Variants in SLC24A3 observed in about 807,000 individuals in gnomAD.
SLC24A3 encodes the protein solute carrier family 24 member 3.
SLC24A3 carries 28 observed loss-of-function variants against 75.8 expected under a neutral mutation model. That is an observed-to-expected ratio of 0.37 (90% confidence interval 0.27 to 0.51). SLC24A3 has a LOEUF of 0.51. Among genes scored for constraint, SLC24A3 ranks in the 20% least tolerant of loss-of-function variants. SLC24A3 has a pLI of 0.94. For missense variants in SLC24A3, 663 were observed against 847.8 expected (o/e 0.78, Z 2.71); for synonymous variants, 372 against 334.1 (o/e 1.11, Z -1.24).
intron 2 of SLC24A3, among the ~76,000 whole-genome samples, chr20:19,424,767 A>AC (rs1475270512): frequency 6.7e-5 from 10 of 148,570 alleles, no homozygotes; most frequent in South Asian, 2.1e-4. Flanking sequence ...AAAAAAAAAA[A>AC]AAAACTTGAG....
chr20:19,349,018 G>A (rs1002559512), intron 2 of SLC24A3, among the ~76,000 whole-genome samples: 1 of 152,108 alleles, frequency 6.6e-6, no homozygotes, highest in African/African-American at 2.4e-5. Context: ...CTTCTTCCTG[G>A]AGTGCTTGTT....
At chr20:19,621,002 G>A (rs911632599) in intron 6 of SLC24A3, among the ~76,000 whole-genome samples, 2 of 152,180 alleles carry the variant, frequency 1.3e-5, no homozygotes, top group African/African-American at 4.8e-5. Flanking sequence ...ATTCTTTTTG[G>A]AATGAGTTTG....
chr20:19,628,866 A>T (rs2031899749), intron 6 of SLC24A3, among the ~76,000 whole-genome samples: 1 of 152,162 alleles, frequency 6.6e-6, no homozygotes, highest in African/African-American at 2.4e-5. Context: ...GGCTAATTGG[A>T]GAAGATGTTC....
intron 6 of SLC24A3, among the ~76,000 whole-genome samples, chr20:19,616,730 G>T (rs1436088669): frequency 1.3e-5 from 2 of 152,092 alleles, no homozygotes; most frequent in African/African-American, 2.4e-5. Flanking sequence ...CAGCAATGAT[G>T]AGCCACTCCC....
rs758639901 is a variant in SLC24A3, at chr20:19,685,356, C to G, written c.1319C>G (p.Thr440Ser). ...GAAGGACCGTACACACCATTCGACA[C>G]CCCCTGTAAGAGGTTCTATGTCTGG... ...DDEGPYTPFD[T>S]PSGKLETVKW... is the part of the protein sequence containing the mutation. Residue 440 changes from threonine (T) to serine (S), a missense_variant, in exon 12 of 17, where the codon ACC becomes AGC. Transcript: ENST00000328041. 6.2e-7 allele frequency: 1 copy of G among 1,613,566 alleles called. No individual in the cohort carries two copies. Among genetic ancestry groups the G allele is most frequent in the Non-Finnish European group, 8.5e-7 (1 of 1,179,704 alleles).
intron 2 of SLC24A3, among the ~76,000 whole-genome samples, chr20:19,362,903 T>C (rs1242982374): frequency 1.3e-5 from 2 of 152,210 alleles, no homozygotes; most frequent in Non-Finnish European, 2.9e-5. Context: ...TTAATATCCA[T>C]GATTGAACAA....
intron 6 of SLC24A3, among the ~76,000 whole-genome samples, chr20:19,612,929 C>A (rs1017433991): frequency 1.3e-5 from 2 of 152,186 alleles, no homozygotes; most frequent in African/African-American, 4.8e-5. Context: ...ACAGTCCAAC[C>A]CTTCCTCAGG....
chr20:19,568,529 A>G (rs1386937394), intron 3 of SLC24A3, among the ~76,000 whole-genome samples: 1 of 152,186 alleles, frequency 6.6e-6, no homozygotes, highest in Non-Finnish European at 1.5e-5. Context: ...ATATCATATG[A>G]TTTTACTTGT....
At chr20:19,563,762 A>C (rs1259212444) in intron 3 of SLC24A3, among the ~76,000 whole-genome samples, 6 of 152,200 alleles carry the variant, frequency 3.9e-5, no homozygotes, top group South Asian at 4.1e-4. Context: ...AGTGACAGAA[A>C]GGCAAGAATG....
chr20:19,271,421 C>T (rs1038799213), intron 1 of SLC24A3, among the ~76,000 whole-genome samples: 2 of 152,008 alleles, frequency 1.3e-5, no homozygotes, highest in African/African-American at 2.4e-5. Context: ...CTGTGGAAAA[C>T]AGTGTGGAGA....
intron 2 of SLC24A3, among the ~76,000 whole-genome samples, chr20:19,400,427 A>T (rs1010130661): frequency 6.6e-6 from 1 of 152,110 alleles, no homozygotes; most frequent in Non-Finnish European, 1.5e-5. Context: ...CTGCCCCAGG[A>T]ATCTTTCCAT....
chr20:19,616,856 C>T (rs2031743461), intron 6 of SLC24A3, among the ~76,000 whole-genome samples: 2 of 152,144 alleles, frequency 1.3e-5, no homozygotes, highest in African/African-American at 2.4e-5. Flanking sequence ...CCCTTTAGGG[C>T]CTTTTTGATA....
chr20:19,291,773 C>T (rs1440928656), intron 2 of SLC24A3, among the ~76,000 whole-genome samples: 1 of 152,162 alleles, frequency 6.6e-6, no homozygotes. Context: ...TGCAGGAGAC[C>T]TCAGGGCCCA....
chr20:19,414,994 C>A (rs1369254724), intron 2 of SLC24A3, among the ~76,000 whole-genome samples: 3 of 152,090 alleles, frequency 2.0e-5, no homozygotes, highest in Non-Finnish European at 4.4e-5. Context: ...ATTTTTACAG[C>A]CTTATAGTAT....
chr20:19,612,538 C>A (rs904918271), intron 6 of SLC24A3, among the ~76,000 whole-genome samples: 1 of 151,732 alleles, frequency 6.6e-6, no homozygotes, highest in Middle Eastern at 3.4e-3. Context: ...CAAATATGCA[C>A]AGTTATTTAA....
intron 2 of SLC24A3, among the ~76,000 whole-genome samples, chr20:19,302,642 C>T (rs1202310049): frequency 6.6e-6 from 1 of 152,098 alleles, no homozygotes; most frequent in Non-Finnish European, 1.5e-5. Context: ...ATATTTTTGC[C>T]TCATATATAA....
rs539787410 is a variant in SLC24A3 at position 19,538,353 on chromosome 20, A to G, written c.348+22789A>G. The stretch of plus-strand genomic sequence containing the variant: ...TGGTCAGCAAGAGACTTAACTATAG[A>G]TAGAGATAGAGACATCCAATAAAGG... On this transcript the variant is annotated intron_variant, in intron 3 of 16. Transcript: ENST00000328041. Among the ~76,000 whole-genome samples, 27 of 152,352 alleles carry G rather than the reference A, an allele frequency of 1.8e-4. 1 individual carries two copies. In the South Asian group the frequency reaches 5.2e-3, roughly 29 times the overall value.
chr20:19,410,528 T>C (rs1986724585), intron 2 of SLC24A3, among the ~76,000 whole-genome samples: 1 of 151,658 alleles, frequency 6.6e-6, no homozygotes, highest in African/African-American at 2.4e-5. Flanking sequence ...TATCAGATCA[T>C]GAGATGACAA....
chr20:19,271,455 A>G lies in SLC24A3; in HGVS notation c.143-9504A>G, dbSNP rs149917993. Among the ~76,000 whole-genome samples, 462 of 152,348 alleles carry G rather than the reference A, an allele frequency of 3.0e-3. 8 individuals carry two copies. The highest frequency in any genetic ancestry group is 0.01 in the African/African-American group (431 of 41,580). ...GATTCCTTAAAGAACTGCAAGTAGA[A>G]CTACCATTTGATCCAGCAATCCCAC... On this transcript the variant is annotated intron_variant, in intron 1 of 16. Coordinates refer to ENST00000328041, the MANE Select transcript of SLC24A3 (RefSeq NM_020689.4).
Sources: gnomAD v4.1 joint callset for allele counts (sites outside exome capture counted in the v4.1 genomes callset) on GRCh38, gnomAD v4.1.1 for gene constraint, MANE v1.5 for transcripts, NCBI Gene and HGNC (gene_info 2026-07-23, HGNC 2026-07-21) for gene names.